ZNF330: variants seen among roughly 807,000 people sequenced by gnomAD.
ZNF330 encodes the protein zinc finger protein 330.
Under a neutral mutation model 45.5 loss-of-function variants are expected in ZNF330, and 31 were observed. The ratio of observed to expected loss-of-function variants is 0.68; its 90% confidence interval spans 0.51 to 0.92. ZNF330 has a LOEUF of 0.92. ZNF330 is among the 40% of genes least tolerant of loss of function. The pLI, the probability that ZNF330 is intolerant of heterozygous loss-of-function variation, is 0.00. For synonymous variants in ZNF330, 138 were observed against 123.2 expected (o/e 1.12, Z -0.79); for missense variants, 356 against 387.4 (o/e 0.92, Z 0.68).
At chr4:141,232,378 G>C (rs1306538381) in intron 8 of ZNF330, 147 bp from the exon 9 acceptor site, 2 of 436,430 alleles carry the variant, frequency 4.6e-6, no homozygotes, top group African/African-American at 4.1e-5. Context: ...TTTCTGTTAA[G>C]AAAATGAAAT....
At chr4:141,232,095 A>G (rs1345721113) in intron 8 of ZNF330, among the ~76,000 whole-genome samples, 1 of 152,028 alleles carries the variant, frequency 6.6e-6, no homozygotes, top group Non-Finnish European at 1.5e-5. Flanking sequence ...TGTCTCTAAG[A>G]TGCCTTTCCC....
intron 5 of ZNF330, 123 bp downstream of exon 5, chr4:141,226,969 A>C (rs974530283): frequency 1.5e-4 from 101 of 694,654 alleles, no homozygotes; most frequent in Non-Finnish European, 3.2e-5. Flanking sequence ...ATCTGTAGTT[A>C]TCTGGATTAT....
At chr4:141,224,532 A>C (rs371316535) in intron 3 of ZNF330, 26 bp downstream of exon 3, 78 of 1,605,928 alleles carry the variant, frequency 4.9e-5, no homozygotes, top group Non-Finnish European at 6.3e-5. Flanking sequence ...TTTTCTATCT[A>C]CCTTTAATAA....
chr4:141,221,928 T>A (rs1728689582), intron 1 of ZNF330, among the ~76,000 whole-genome samples: 1 of 152,196 alleles, frequency 6.6e-6, no homozygotes, highest in Non-Finnish European at 1.5e-5. Flanking sequence ...ACTTAAGGTG[T>A]TGGCAGCGTC....
chr4:141,222,975 A>T (rs2111245753), intron 2 of ZNF330: 1 of 153,104 alleles, frequency 6.5e-6, no homozygotes, highest in Non-Finnish European at 1.5e-5. Flanking sequence ...GCGAAAAAGC[A>T]AACAATTAGG....
chr4:141,223,526 C>T (rs1728733877), intron 2 of ZNF330, among the ~76,000 whole-genome samples: 1 of 152,158 alleles, frequency 6.6e-6, no homozygotes, highest in Admixed American at 6.5e-5. Context: ...ACATATTGTG[C>T]CTCAGAGAAG....
chr4:141,223,819 A>C lies in ZNF330; in HGVS notation c.121-668A>C, dbSNP rs565798707. On this transcript the variant is annotated intron_variant, in intron 2 of 9. Transcript: ENST00000262990. Reference sequence around the variant, plus strand: ...TGTGTGGAAGGGGTACACTTCACAGAAGAGGTGGGATTTTCACCAGAACTT... The same window carrying C: ...TGTGTGGAAGGGGTACACTTCACAGCAGAGGTGGGATTTTCACCAGAACTT... The C allele has an allele frequency of 5.0e-5, 23 of 455,696 alleles. No individual in the cohort carries two copies. The East Asian group carries it at 6.9e-4, about 14-fold the overall frequency. 28.2% of individuals were successfully genotyped at this position (455,696 alleles called of 1,614,324 possible).
intron 8 of ZNF330, among the ~76,000 whole-genome samples, chr4:141,232,286 C>T (rs1728978465): frequency 6.6e-6 from 1 of 152,008 alleles, no homozygotes; most frequent in Non-Finnish European, 1.5e-5. Context: ...TATTTGTGAA[C>T]AGCTAAATGT....
chr4:141,226,877 C>T (rs545888018), intron 5 of ZNF330, 31 bp downstream of exon 5: 95 of 1,524,156 alleles, frequency 6.2e-5, no homozygotes, highest in Admixed American at 5.8e-4. Flanking sequence ...TAGACTAGTA[C>T]GTTTTCAAGG....
intron 1 of ZNF330, among the ~76,000 whole-genome samples, chr4:141,221,386 G>A (rs1728673592): frequency 6.6e-6 from 1 of 151,674 alleles, no homozygotes; most frequent in Admixed American, 6.5e-5. Context: ...CAAACTGGAG[G>A]GAAAAAAAAA....
At chr4:141,222,298 C>G in intron 1 of ZNF330, 68 bp from the exon 2 acceptor site, 1 of 1,533,706 alleles carries the variant, frequency 6.5e-7, no homozygotes, top group Non-Finnish European at 8.8e-7. Context: ...TATACTATTT[C>G]TTAGTTTATT....
At chr4:141,230,514 C>T (rs1488374106) in intron 7 of ZNF330, among the ~76,000 whole-genome samples, 1 of 152,094 alleles carries the variant, frequency 6.6e-6, no homozygotes, top group Non-Finnish European at 1.5e-5. Context: ...TTTGATCAGG[C>T]ATTGCAGGAC....
Position 141,225,025 on chromosome 4 carries a change from T to C in ZNF330, c.211+348T>C, listed in dbSNP as rs184514344. 1.1e-4 allele frequency among the ~76,000 whole-genome samples: 16 copies of C among 152,284 alleles called. No individual in the cohort carries two copies. In the East Asian group the frequency reaches 3.1e-3, roughly 29 times the overall value. On this transcript the variant is annotated intron_variant, in intron 4 of 9. Coordinates refer to ENST00000262990, the MANE Select transcript of ZNF330 (RefSeq NM_014487.6). Reference sequence around the variant, plus strand: ...TTGTCAGTATCTGTTTGTTTACTTATCTACATTTTGATTCCTGCTGATATT... The same window carrying C: ...TTGTCAGTATCTGTTTGTTTACTTACCTACATTTTGATTCCTGCTGATATT...
intron 7 of ZNF330, 22 bp downstream of exon 7, chr4:141,230,292 G>A (rs376372235): frequency 9.6e-6 from 14 of 1,458,542 alleles, no homozygotes; most frequent in Non-Finnish European, 1.2e-5. Flanking sequence ...AGTATTAGAT[G>A]TTCTTTATAC....
chr4:141,221,295 C>G (rs1463198189), intron 1 of ZNF330, among the ~76,000 whole-genome samples, 187 bp downstream of exon 1: 1 of 152,038 alleles, frequency 6.6e-6, no homozygotes, highest in Admixed American at 6.5e-5. Flanking sequence ...GCAGTGCATG[C>G]AAGAAGTTGG....
At chr4:141,224,460 TTAA>T (rs1728752967) in intron 2 of ZNF330, 24 bp from the exon 3 acceptor site, 1 of 1,596,938 alleles carries the variant, frequency 6.3e-7, no homozygotes, top group African/African-American at 1.3e-5. Flanking sequence ...AGCAGAAAAA[TTAA>T]TGTGATATTT....
chr4:141,232,459 G>C, intron 8 of ZNF330, 66 bp from the exon 9 acceptor site: 1 of 883,458 alleles, frequency 1.1e-6, no homozygotes. Context: ...TTAAAACACT[G>C]AATACTGTCT....
At chr4:141,225,831 C>T (rs188884955) in intron 4 of ZNF330, among the ~76,000 whole-genome samples, 1 of 151,818 alleles carries the variant, frequency 6.6e-6, no homozygotes, top group East Asian at 1.9e-4. Flanking sequence ...CTAGGACTTA[C>T]CCCTATTTTC....
chr4:141,233,360 A>T (rs1307883117), intron 9 of ZNF330, among the ~76,000 whole-genome samples: 1 of 152,140 alleles, frequency 6.6e-6, no homozygotes, highest in African/African-American at 2.4e-5. Flanking sequence ...GCATTGTAAA[A>T]TAGCTGTCTT....
Sources: gnomAD v4.1 joint callset for allele counts (sites outside exome capture counted in the v4.1 genomes callset) on GRCh38, gnomAD v4.1.1 for gene constraint, MANE v1.5 for transcripts, NCBI Gene and HGNC (gene_info 2026-07-23, HGNC 2026-07-21) for gene names.